The following VSIG10L2 variants were observed in gnomAD, a reference collection of about 807,000 sequenced individuals.
VSIG10L2 encodes the protein V-set and immunoglobulin domain containing 10 like 2, also known as V-set and immunoglobulin domain-containing protein 10-like 2.
Under a neutral mutation model 67.1 loss-of-function variants are expected in VSIG10L2, and 56 were observed. That is an observed-to-expected ratio of 0.83 (90% CI 0.67 to 1.04). The LOEUF is 1.04. VSIG10L2 is among the 50% of genes least tolerant of loss of function. VSIG10L2 has a pLI of 0.00. For missense variants in VSIG10L2, 843 were observed against 932.8 expected (o/e 0.90, Z 1.25); for synonymous variants, 360 against 396.6 (o/e 0.91, Z 1.10).
rs553858016 is a variant in VSIG10L2, at chr11:125,947,789, G to A, written c.186G>A (p.Pro62=). 4.8e-4 allele frequency: 592 copies of A among 1,232,580 alleles called. 2 individuals carry two copies. In the African/African-American group the frequency reaches 7.7e-3, roughly 16 times the overall value. 76.4% of individuals were successfully genotyped at this position (1,232,580 alleles called of 1,614,324 possible). A position where few individuals can be genotyped will look rare whatever the true frequency, so the allele number is the denominator to read the frequency against. Residue 62 remains proline, a synonymous_variant, in exon 2 of 12, where the codon CCG becomes CCA. Transcript: ENST00000686984. ...VELACGSGPA[P]LLVLWSFTPL... ...TGGCCTGTGGCTCAGGGCCTGCCCC[G>A]CTGCTGGTCCTCTGGAGCTTCACCC...
intron 6 of VSIG10L2, among the ~76,000 whole-genome samples, chr11:125,952,536 C>T (rs971699988): frequency 3.9e-5 from 6 of 152,204 alleles, no homozygotes; most frequent in Non-Finnish European, 7.3e-5. Flanking sequence ...CCCATATTGA[C>T]GTGGCTGGTC....
chr11:125,955,633 G>C lies in VSIG10L2; in HGVS notation c.2250G>C (p.Gln750His). ...LLVPTEQRHQ[Q>H]RGSREDAEAP... Reference sequence around the variant, plus strand: ...CTCTCAGGGAGCAAAGGCACCAACAGAGGGGTTCCAGAGAAGATGCTGAGG... The same window carrying C: ...CTCTCAGGGAGCAAAGGCACCAACACAGGGGTTCCAGAGAAGATGCTGAGG... The change falls in exon 11 of 12, where the codon CAG (glutamine) becomes CAC (histidine). Residue 750 changes from glutamine to histidine, a missense_variant. By Grantham distance (24) the Gln-to-His change is conservative. Transcript: ENST00000686984. 1.3e-6 allele frequency: 2 copies of C among 1,531,592 alleles called. No individual in the cohort carries two copies. Among genetic ancestry groups the C allele is most frequent in the Middle Eastern group, 1.7e-4 (1 of 5,968 alleles). The allele number at this position is 1,531,592 out of a possible 1,614,324, so 94.9% of individuals were successfully genotyped here.
chr11:125,951,520 C>T (rs1482239251), intron 5 of VSIG10L2, among the ~76,000 whole-genome samples: 2 of 152,226 alleles, frequency 1.3e-5, no homozygotes, highest in Admixed American at 6.5e-5. Flanking sequence ...GAGAAACTCC[C>T]AGCCATCAGC....
Position 125,953,547 on chromosome 11 carries a change from C to A in VSIG10L2, c.1643C>A (p.Ser548Ter). 1 of 1,232,292 alleles carries A rather than the reference C, an allele frequency of 8.1e-7. No homozygotes were observed. Among genetic ancestry groups the A allele is most frequent in the Non-Finnish European group, 1.0e-6 (1 of 988,072 alleles). 76.3% of individuals were successfully genotyped at this position (1,232,292 alleles called of 1,614,324 possible). The stretch of plus-strand genomic sequence containing the variant: ...CAACAAAAAGTGGACCCCGGCACTT[C>A]AGGATTCATGCTGCACCCTGAGGGT... The part of the protein sequence containing the change: ...PQQQKVDPGT[S>*]GFMLHPEGAQ... Residue 548 changes from serine (S) to a stop codon, truncating the protein, a stop_gained, in exon 7 of 12, where the codon TCA becomes TAA. Coordinates refer to ENST00000686984, the MANE Select transcript of VSIG10L2 (RefSeq NM_001365077.2). LOFTEE classifies it high-confidence loss of function.
chr11:125,953,278 C>CAAGCCTCATTGTCAACTCCGCAGCT lies in VSIG10L2; in HGVS notation c.1496-121_1496-97dup, dbSNP rs1945402892. 14 of 820,268 alleles carry CAAGCCTCATTGTCAACTCCGCAGCT rather than the reference C, an allele frequency of 1.7e-5. No homozygotes were observed. In the East Asian group the frequency reaches 4.7e-4, roughly 28 times the overall value. 50.8% of individuals were successfully genotyped at this position (820,268 alleles called of 1,614,324 possible). A position where few individuals can be genotyped will look rare whatever the true frequency, so the allele number is the denominator to read the frequency against. ...GAAGAGAAGGCAGACTGGCCCCAGA[C>CAAGCCTCATTGTCAACTCCGCAGCT]AAGCCTCATTGTCAACTCCGCAGCT... On this transcript the variant is annotated intron_variant, in intron 6 of 11. Coordinates refer to ENST00000686984, the MANE Select transcript of VSIG10L2 (RefSeq NM_001365077.2).
At position 125,950,301 on chromosome 11, in the gene VSIG10L2, G is replaced by A. The variant is rs1945350968; in HGVS notation, c.985+12G>A. The stretch of plus-strand genomic sequence containing the variant: ...GCTCACCATCTACTGTGAGTGTGGG[G>A]GTCGGGTGACGCCCAGACCTGTCCT... On this transcript the variant is annotated intron_variant, in intron 4 of 11. Coordinates refer to ENST00000686984, the MANE Select transcript of VSIG10L2 (RefSeq NM_001365077.2). The A allele has an allele frequency of 1.6e-6, 2 of 1,232,344 alleles. No homozygotes were observed. Among genetic ancestry groups the A allele is most frequent in the Admixed American group, 4.2e-5 (1 of 23,722 alleles). 76.3% of individuals were successfully genotyped at this position (1,232,344 alleles called of 1,614,324 possible). A position where few individuals can be genotyped will look rare whatever the true frequency, so the allele number is the denominator to read the frequency against.
chr11:125,955,571 G>A, intron 10 of VSIG10L2, 44 bp from the exon 11 acceptor site: 1 of 1,470,800 alleles, frequency 6.8e-7, no homozygotes, highest in Non-Finnish European at 9.2e-7. Context: ...GGAAAGCGAG[G>A]GAAGTGAGTT....
At chr11:125,951,708 G>T (rs1945374702) in intron 5 of VSIG10L2, 105 bp from the exon 6 acceptor site, 12 of 1,182,538 alleles carry the variant, frequency 1.0e-5, no homozygotes, top group Non-Finnish European at 1.3e-5. Context: ...ACAAAGTAAT[G>T]AAGGAAGGAG....
In VSIG10L2 at chr11:125,956,159, A is replaced by C; in HGVS notation, c.*245A>C. ...GGCAGGACAAGGAAGAGGACCCACA[A>C]TGGGGAGACAGGGATCTCTGGGTGT... On this transcript the variant is annotated 3_prime_UTR_variant, in exon 12 of 12. Transcript: ENST00000686984. 9 of 634,726 alleles carry C rather than the reference A, an allele frequency of 1.4e-5. No individual in the cohort carries two copies. Among genetic ancestry groups the C allele is most frequent in the East Asian group, 3.3e-5 (1 of 30,488 alleles). The allele number at this position is 634,726 out of a possible 1,614,324, so 39.3% of individuals were successfully genotyped here. A position where few individuals can be genotyped will look rare whatever the true frequency, so the allele number is the denominator to read the frequency against.
Position 125,947,917 on chromosome 11 carries a change from G to A in VSIG10L2, c.314G>A (p.Ser105Asn). 1.6e-6 allele frequency: 2 copies of A among 1,232,340 alleles called. No individual in the cohort carries two copies. Among genetic ancestry groups the A allele is most frequent in the Non-Finnish European group, 2.0e-6 (2 of 988,094 alleles). 76.3% of individuals were successfully genotyped at this position (1,232,340 alleles called of 1,614,324 possible). ...SALGVVSLRN[S>N]SLVLGELHEG... ...CTGGGAGTCGTGAGTCTGAGGAACAGCAGCCTGGTGCTGGGGGAGCTTCAC... is the reference window on the plus strand; with the variant it reads ...CTGGGAGTCGTGAGTCTGAGGAACAACAGCCTGGTGCTGGGGGAGCTTCAC... The change falls in exon 2 of 12, where the codon AGC (serine) becomes AAC (asparagine). Residue 105 changes from serine to asparagine, a missense_variant. Ser to Asn is a conservative substitution (Grantham distance 46). Transcript: ENST00000686984.
At chr11:125,950,380 G>A (rs1004970904) in intron 4 of VSIG10L2, 91 bp downstream of exon 4, 38 of 1,198,704 alleles carry the variant, frequency 3.2e-5, no homozygotes, top group Admixed American at 2.5e-4. Context: ...AGACCCCGCC[G>A]TCCCGTGGAG....
rs1044419035 is a variant in VSIG10L2 at position 125,955,057 on chromosome 11, C to T, written c.2084C>T (p.Ala695Val). 145 of 1,234,762 alleles carry T rather than the reference C, an allele frequency of 1.2e-4. No individual in the cohort carries two copies. Among genetic ancestry groups the T allele is most frequent in the Non-Finnish European group, 1.3e-4 (132 of 990,030 alleles). 76.5% of individuals were successfully genotyped at this position (1,234,762 alleles called of 1,614,324 possible). A position where few individuals can be genotyped will look rare whatever the true frequency, so the allele number is the denominator to read the frequency against. Residue 695 changes from alanine (A) to valine (V), a missense_variant and splice_region_variant, in exon 9 of 12, where the codon GCG becomes GTG. By Grantham distance (64) the Ala-to-Val change is moderately conservative. Transcript: ENST00000686984. ...TGGAACCTGTGCTCTCCCCTCCTAG[C>T]GGACCCCCCCTTCAGCGCCTACCCA... is the stretch of plus-strand genomic sequence containing the variant. ...AGHPSEVKIP[A>V]DPPFSAYPAV...
At chr11:125,949,166 T>C (rs559574029) in intron 3 of VSIG10L2, among the ~76,000 whole-genome samples, 2 of 152,394 alleles carry the variant, frequency 1.3e-5, no homozygotes, top group East Asian at 1.9e-4. Flanking sequence ...GTAACTTCTA[T>C]ATTGATTATA....
intron 6 of VSIG10L2, among the ~76,000 whole-genome samples, chr11:125,953,048 C>T (rs1367695366): frequency 1.3e-5 from 2 of 152,072 alleles, no homozygotes; most frequent in Non-Finnish European, 2.9e-5. Flanking sequence ...TGGAGCCAGC[C>T]GGGAGGTGGG....
At chr11:125,953,932 T>C (rs1160895456) in intron 7 of VSIG10L2, among the ~76,000 whole-genome samples, 155 bp from the exon 8 acceptor site, 6 of 152,312 alleles carry the variant, frequency 3.9e-5, no homozygotes, top group Admixed American at 2.0e-4. Flanking sequence ...TGAAAAAAAC[T>C]GATGGGACAA....
chr11:125,955,692 C>A, intron 11 of VSIG10L2, 25 bp downstream of exon 11: 1 of 1,529,202 alleles, frequency 6.5e-7, no homozygotes, highest in Non-Finnish European at 8.8e-7. Flanking sequence ...CAGAAAAAGA[C>A]GACTCGTGTA....
intron 10 of VSIG10L2, 48 bp from the exon 11 acceptor site, chr11:125,955,567 C>A (rs73019365): frequency 1.4e-6 from 2 of 1,459,968 alleles, no homozygotes; most frequent in Non-Finnish European, 1.8e-6. Context: ...GAAAGGAAAG[C>A]GAGGGAAGTG....
intron 7 of VSIG10L2, 132 bp from the exon 8 acceptor site, chr11:125,953,955 C>A: frequency 1.3e-6 from 1 of 796,790 alleles, no homozygotes; most frequent in Non-Finnish European, 1.7e-6. Flanking sequence ...CAGGGCTTCT[C>A]AGGTCCACAG....
intron 5 of VSIG10L2, 146 bp from the exon 6 acceptor site, chr11:125,951,667 A>G: frequency 1.3e-6 from 1 of 789,962 alleles, no homozygotes; most frequent in Non-Finnish European, 1.9e-6. Context: ...GCACATGATC[A>G]ATAAATGATG....
Sources: gnomAD v4.1 joint callset for allele counts (sites outside exome capture counted in the v4.1 genomes callset) on GRCh38, gnomAD v4.1.1 for gene constraint, MANE v1.5 for transcripts, NCBI Gene and HGNC (gene_info 2026-07-23, HGNC 2026-07-21) for gene names.